ZNF560: variants seen among roughly 807,000 people sequenced by gnomAD.
The protein encoded by ZNF560 is zinc finger protein 560.
ZNF560 carries 54 observed loss-of-function variants against 81.8 expected under a neutral mutation model. The ratio of observed to expected loss-of-function variants is 0.66; its 90% CI spans 0.53 to 0.83. The LOEUF is 0.83. Ranked by LOEUF, ZNF560 falls within the 40% of genes least tolerant of loss-of-function variation. The pLI is 0.00. For synonymous variants in ZNF560, 321 were observed against 317.9 expected (o/e 1.01, Z -0.10); for missense variants, 940 against 932.4 (o/e 1.01, Z -0.11).
Position 9,466,431 on chromosome 19 carries a change from T to C in ZNF560, c.*143A>G, listed in dbSNP as rs141941572. ...TCTCTACAGTGTGAGTTTGTACATA[T>C]CTAGAAAGATTCAACTGTTCAGGCT... On this transcript the variant is annotated 3_prime_UTR_variant, in exon 10 of 10. Transcript: ENST00000301480. 1.6e-4 allele frequency: 111 copies of C among 715,590 alleles called. 2 individuals are homozygous for C. The highest frequency in any genetic ancestry group is 8.9e-4 in the East Asian group (33 of 37,076). The allele number at this position is 715,590 out of a possible 1,614,324, so 44.3% of individuals were successfully genotyped here. A position where few individuals can be genotyped will look rare whatever the true frequency, so the allele number is the denominator to read the frequency against.
the ZNF560 span, among the ~76,000 whole-genome samples, chr19:9,446,332 T>C: frequency 6.6e-6 from 1 of 151,130 alleles, no homozygotes; most frequent in Non-Finnish European, 1.5e-5. Context: ...TTACTCCACC[T>C]TTCCCTAAAC....
At chr19:9,469,550 G>C (rs746535802) in intron 8 of ZNF560, 80 bp downstream of exon 8, 2 of 1,263,586 alleles carry the variant, frequency 1.6e-6, no homozygotes, top group Non-Finnish European at 1.2e-6. Flanking sequence ...GATTCAAAGG[G>C]CATCTTATAA....
upstream of ZNF560, among the ~76,000 whole-genome samples, chr19:9,501,364 TG>T (rs2073631766): frequency 6.7e-6 from 1 of 150,184 alleles, no homozygotes; most frequent in Non-Finnish European, 1.5e-5. Context: ...TGTGTGTGTG[TG>T]TGTGTGTGTG....
At chr19:9,504,434 C>A in the ZNF560 span, among the ~76,000 whole-genome samples, 1 of 151,412 alleles carries the variant, frequency 6.6e-6, no homozygotes, top group Admixed American at 6.6e-5. Context: ...GACTCTGTCT[C>A]AAAAAAAATA....
chr19:9,474,351 T>C, intron 3 of ZNF560, 26 bp from the exon 4 acceptor site: 1 of 1,592,760 alleles, frequency 6.3e-7, no homozygotes, highest in Non-Finnish European at 8.6e-7. Context: ...CATGTTGATT[T>C]GAGCCAAGTA....
At chr19:9,464,075 C>A (rs754474533), downstream of ZNF560, among the ~76,000 whole-genome samples, 1 of 152,178 alleles carries the variant, frequency 6.6e-6, no homozygotes, top group Non-Finnish European at 1.5e-5. Flanking sequence ...AAACAACAGC[C>A]TTAATTGCTG....
intron 5 of ZNF560, among the ~76,000 whole-genome samples, chr19:9,471,822 C>A (rs2073127186): frequency 6.6e-6 from 1 of 152,164 alleles, no homozygotes; most frequent in Non-Finnish European, 1.5e-5. Context: ...AAAAAGTTCC[C>A]TCAGAGGGCT....
At chr19:9,482,295 G>C (rs1352992544) in intron 2 of ZNF560, among the ~76,000 whole-genome samples, 2 of 151,958 alleles carry the variant, frequency 1.3e-5, no homozygotes, top group East Asian at 3.9e-4. Flanking sequence ...TATGGGGGAG[G>C]GATAGCATTA....
chr19:9,460,254 G>A, the ZNF560 span, among the ~76,000 whole-genome samples: 6 of 152,182 alleles, frequency 3.9e-5, no homozygotes, highest in East Asian at 3.9e-4. Flanking sequence ...AACACTCATC[G>A]AAAGCAGCCA....
chr19:9,452,361 T>C, the ZNF560 span, among the ~76,000 whole-genome samples: 1 of 152,120 alleles, frequency 6.6e-6, no homozygotes, highest in Non-Finnish European at 1.5e-5. Flanking sequence ...AAAGAACTTA[T>C]AACAAAGCTA....
intron 2 of ZNF560, among the ~76,000 whole-genome samples, chr19:9,493,089 G>A (rs2073497952): frequency 6.6e-6 from 1 of 152,076 alleles, no homozygotes; most frequent in Non-Finnish European, 1.5e-5. Flanking sequence ...TACAACTGAG[G>A]CAAAAAGAAT....
chr19:9,478,272 CA>C (rs1031766183), intron 2 of ZNF560, among the ~76,000 whole-genome samples: 2 of 151,964 alleles, frequency 1.3e-5, no homozygotes, highest in Non-Finnish European at 2.9e-5. Context: ...AACAAACAAA[CA>C]AAAAAACTGC....
intron 8 of ZNF560, 111 bp downstream of exon 8, chr19:9,469,519 A>T: frequency 1.1e-6 from 1 of 942,062 alleles, no homozygotes; most frequent in Non-Finnish European, 1.7e-6. Context: ...CAAAACATCC[A>T]AGTCCAGTGG....
the ZNF560 span, among the ~76,000 whole-genome samples, chr19:9,457,639 A>G: frequency 1.3e-5 from 2 of 152,186 alleles, no homozygotes; most frequent in African/African-American, 4.8e-5. Context: ...ATAGCTCCTG[A>G]CGCAATTCAG....
intron 2 of ZNF560, among the ~76,000 whole-genome samples, chr19:9,487,545 G>GCATGC (rs1031436776): frequency 4.6e-5 from 7 of 152,206 alleles, no homozygotes; most frequent in African/African-American, 1.4e-4. Flanking sequence ...AGAAAGGGAG[G>GCATGC]CATGCCATGC....
chr19:9,471,498 A>G (rs991173147), intron 5 of ZNF560, 120 bp from the exon 6 acceptor site: 6 of 693,276 alleles, frequency 8.7e-6, no homozygotes, highest in Non-Finnish European at 1.1e-5. Flanking sequence ...GAAAAAAGAA[A>G]GCTAAATTGA....
the ZNF560 span, among the ~76,000 whole-genome samples, chr19:9,456,428 T>C: frequency 6.9e-3 from 1,047 of 152,304 alleles, 10 homozygotes; most frequent in African/African-American, 0.023. Flanking sequence ...ATAGGGCAGC[T>C]TCTGATTTTA....
At chr19:9,496,019 C>G (rs1371417122) in intron 2 of ZNF560, among the ~76,000 whole-genome samples, 1 of 152,106 alleles carries the variant, frequency 6.6e-6, no homozygotes, top group Non-Finnish European at 1.5e-5. Flanking sequence ...TTTATAATAT[C>G]CAGCAAAATT....
upstream of ZNF560, among the ~76,000 whole-genome samples, chr19:9,499,637 G>A (rs10425689): frequency 0.048 from 7,338 of 152,248 alleles, 608 homozygotes; most frequent in African/African-American, 0.17. Context: ...TGCAGAAAAA[G>A]AAAGGACTGT....
Sources: allele counts gnomAD v4.1 joint callset (sites outside exome capture counted in the v4.1 genomes callset), GRCh38; gene constraint gnomAD v4.1.1; transcripts MANE v1.5; gene names NCBI Gene and HGNC (gene_info 2026-07-23, HGNC 2026-07-21).